The following PROS1 variants were observed in gnomAD, a reference collection of about 807,000 sequenced individuals.
The protein encoded by PROS1 is protein S.
In PROS1, 29 loss-of-function variants were observed where a neutral mutation model predicts 75.9. The ratio of observed to expected loss-of-function variants is 0.38; its 90% CI spans 0.28 to 0.52. PROS1 has a LOEUF of 0.52. PROS1 is among the 20% of genes least tolerant of loss of function. PROS1 has a pLI of 0.83. For synonymous variants in PROS1, 245 were observed against 280.6 expected, an observed-to-expected ratio of 0.87 and a Z score of 1.27; for missense variants, 680 against 810.3, an observed-to-expected ratio of 0.84 and a Z score of 1.95.
rs1470600953 is a variant in PROS1 at position 93,910,663 on chromosome 3, C to T, written c.302G>A (p.Arg101His). The change falls in exon 4 of 15, where the codon CGT (arginine) becomes CAT (histidine). Residue 101 changes from arginine (R) to histidine (H), a missense_variant. Coordinates refer to ENST00000394236, the MANE Select transcript of PROS1 (RefSeq NM_000313.4). ...SFQTGLFTAARQSTNAYPDLR... is the reference protein window; with the variant it reads ...SFQTGLFTAAHQSTNAYPDLR... ...GTCAGGATAAGCATTAGTTGACTGACGTGCAGCAGTGAATAACCCAGTTTG... is the reference window on the plus strand; with the variant it reads ...GTCAGGATAAGCATTAGTTGACTGATGTGCAGCAGTGAATAACCCAGTTTG... The T allele has an allele frequency of 1.8e-5, 29 of 1,613,484 alleles. No homozygotes were observed. Among genetic ancestry groups the T allele is most frequent in the East Asian group, 2.2e-5 (1 of 44,828 alleles).
intron 1 of PROS1, among the ~76,000 whole-genome samples, chr3:93,948,264 G>T (rs1271256087): frequency 6.6e-6 from 1 of 151,746 alleles, no homozygotes; most frequent in Admixed American, 6.6e-5. Context: ...AATTTGAGAG[G>T]CTCTGCCATC....
At chr3:93,912,948 T>C (rs1708781961) in intron 3 of PROS1, among the ~76,000 whole-genome samples, 1 of 152,184 alleles carries the variant, frequency 6.6e-6, no homozygotes, top group Admixed American at 6.5e-5. Context: ...CCAAAATTCA[T>C]GTCCTTCTCA....
At chr3:93,922,593 T>A (rs2107194836) in intron 3 of PROS1, among the ~76,000 whole-genome samples, 1 of 152,350 alleles carries the variant, frequency 6.6e-6, no homozygotes, top group East Asian at 1.9e-4. Flanking sequence ...TACAATTTTT[T>A]AATTTCTTTG....
intron 1 of PROS1, among the ~76,000 whole-genome samples, chr3:93,955,824 C>T (rs1033274721): frequency 6.6e-6 from 1 of 151,890 alleles, no homozygotes; most frequent in Non-Finnish European, 1.5e-5. Flanking sequence ...GAAAGATAAT[C>T]ATCTAGTCTG....
chr3:93,881,486 A>T (rs1708274812), intron 12 of PROS1, among the ~76,000 whole-genome samples: 1 of 151,968 alleles, frequency 6.6e-6, no homozygotes, highest in Non-Finnish European at 1.5e-5. Context: ...CAATATATGC[A>T]TGTAAGAAAT....
At chr3:93,895,229 G>T (rs890658184) in intron 9 of PROS1, among the ~76,000 whole-genome samples, 3 of 152,114 alleles carry the variant, frequency 2.0e-5, no homozygotes, top group Admixed American at 1.3e-4. Context: ...TCTACCCGAG[G>T]TTGGTTAAAT....
At position 93,905,925 on chromosome 3, in the gene PROS1, G is replaced by A. The variant is rs756848962; in HGVS notation, c.470-10C>T. The A allele has an allele frequency of 8.7e-6, 14 of 1,611,374 alleles. No individual in the cohort carries two copies. The highest frequency in any genetic ancestry group is 1.7e-4 in the Middle Eastern group (1 of 6,044). On this transcript the variant is annotated splice_polypyrimidine_tract_variant and intron_variant, in intron 5 of 14. Coordinates refer to ENST00000394236, the MANE Select transcript of PROS1 (RefSeq NM_000313.4). ...TTGCATTCATTTATGTCTAAAACAG[G>A]AAAAAAATAAATTATTTTTAAAGTA...
At position 93,896,589 on chromosome 3, in the gene PROS1, G is replaced by A. The variant is rs2107155213; in HGVS notation, c.952C>T (p.Pro318Ser). The A allele has an allele frequency of 6.2e-7, 1 of 1,610,632 alleles. No individual in the cohort carries two copies. The highest frequency in any genetic ancestry group is 8.5e-7 in the Non-Finnish European group (1 of 1,177,064). Residue 318 changes from proline (P) to serine (S), a missense_variant, in exon 9 of 15, where the codon CCA (proline) becomes TCA (serine). By Grantham distance (74) the Pro-to-Ser change is moderately conservative. Transcript: ENST00000394236. ...GVVLYLKFRL[P>S]EISRFSAEFD... Reference sequence around the variant, plus strand: ...TTGGTTCCTCACCTGCTGATTTCTGGCAAACGAAATTTTAAATATAAAACA... The same window carrying A: ...TTGGTTCCTCACCTGCTGATTTCTGACAAACGAAATTTTAAATATAAAACA...
chr3:93,915,929 G>C (rs1240690391), intron 3 of PROS1, among the ~76,000 whole-genome samples: 1 of 152,124 alleles, frequency 6.6e-6, no homozygotes, highest in Non-Finnish European at 1.5e-5. Flanking sequence ...TGTTATAGCA[G>C]CAACCCAATG....
At chr3:93,877,240 C>T (rs1284482424) in intron 13 of PROS1, 49 bp from the exon 14 acceptor site, 2 of 1,411,410 alleles carry the variant, frequency 1.4e-6, no homozygotes, top group Admixed American at 3.5e-5. Context: ...AAGAGTAATG[C>T]TGCTTAAGAG....
rs765091559 is a variant in PROS1 at position 93,905,897 on chromosome 3, T to A, written c.488A>T (p.Asp163Val). The A allele has an allele frequency of 2.5e-6, 4 of 1,613,154 alleles. No homozygotes were observed. Among genetic ancestry groups the A allele is most frequent in the Non-Finnish European group, 3.4e-6 (4 of 1,179,172 alleles). ...KCEFDINECK[D>V]PSNINGGCSQ... is the part of the protein sequence containing the mutation. ...GCAACCTCCATTTATATTTGAGGGA[T>A]CTTTGCATTCATTTATGTCTAAAAC... The change falls in exon 6 of 15, where the codon GAT becomes GTT. Residue 163 changes from aspartate (D) to valine (V), a missense_variant. By Grantham distance (152) the Asp-to-Val change is radical. Coordinates refer to ENST00000394236, the MANE Select transcript of PROS1 (RefSeq NM_000313.4).
chr3:93,954,141 C>T (rs902088005), intron 1 of PROS1, among the ~76,000 whole-genome samples: 3 of 152,106 alleles, frequency 2.0e-5, no homozygotes, highest in African/African-American at 7.2e-5. Context: ...ACGAAAATGG[C>T]CATACTGCCC....
Position 93,973,568 on chromosome 3 carries a change from A to C in PROS1, c.76+106T>G, listed in dbSNP as rs144920195. The stretch of plus-strand genomic sequence containing the variant: ...GGGTGTCTGTCGGTACTTACTGGAA[A>C]CTTTCTAGGAGGCTGCAGCTCTAGA... On this transcript the variant is annotated intron_variant, in intron 1 of 14. Coordinates refer to ENST00000394236, the MANE Select transcript of PROS1 (RefSeq NM_000313.4). The C allele has an allele frequency of 2.8e-5, 34 of 1,226,564 alleles. No homozygotes were observed. The East Asian group carries it at 8.5e-4, about 31-fold the overall frequency. 76.0% of individuals were successfully genotyped at this position (1,226,564 alleles called of 1,614,324 possible).
At chr3:93,897,900 C>T (rs1576182486) in intron 8 of PROS1, among the ~76,000 whole-genome samples, 1 of 152,134 alleles carries the variant, frequency 6.6e-6, no homozygotes, top group African/African-American at 2.4e-5. Context: ...TTGAGAGACA[C>T]AGATTAAGAA....
At chr3:93,959,055 T>C (rs931764728) in intron 1 of PROS1, among the ~76,000 whole-genome samples, 3 of 152,300 alleles carry the variant, frequency 2.0e-5, no homozygotes, top group African/African-American at 7.2e-5. Context: ...GAAATGCCAC[T>C]TTTACTGGGT....
intron 2 of PROS1, among the ~76,000 whole-genome samples, chr3:93,926,673 T>C (rs1002094689): frequency 2.0e-5 from 3 of 152,228 alleles, no homozygotes; most frequent in Non-Finnish European, 4.4e-5. Flanking sequence ...AGAAATTTAA[T>C]GAAGCATTGT....
At chr3:93,905,201 A>G (rs1352645323) in intron 6 of PROS1, among the ~76,000 whole-genome samples, 1 of 152,222 alleles carries the variant, frequency 6.6e-6, no homozygotes, top group African/African-American at 2.4e-5. Context: ...TGTAGCATGC[A>G]AAGACTTGCA....
chr3:93,939,820 C>T (rs1476915446), intron 1 of PROS1, among the ~76,000 whole-genome samples: 1 of 152,144 alleles, frequency 6.6e-6, no homozygotes, highest in South Asian at 2.1e-4. Context: ...ACCCAATCCG[C>T]TCCCGACATT....
At chr3:93,922,627 C>A (rs1708959157) in intron 3 of PROS1, among the ~76,000 whole-genome samples, 1 of 152,102 alleles carries the variant, frequency 6.6e-6, no homozygotes, top group Non-Finnish European at 1.5e-5. Context: ...ACTACAGGGA[C>A]CTTCCTGTAT....
Sources: allele counts gnomAD v4.1 joint callset (sites outside exome capture counted in the v4.1 genomes callset), GRCh38; gene constraint gnomAD v4.1.1; transcripts MANE v1.5; gene names NCBI Gene and HGNC (gene_info 2026-07-23, HGNC 2026-07-21).